ATXN3: variants seen among roughly 807,000 people sequenced by gnomAD.
The protein encoded by ATXN3 is ataxin-3.
A neutral mutation model predicts 58.2 loss-of-function variants in ATXN3; 28 were observed. That is an observed-to-expected ratio of 0.48 (90% CI 0.36 to 0.66). The LOEUF is 0.66. Ranked by LOEUF, ATXN3 falls within the 30% of genes least tolerant of loss-of-function variation. The pLI is 0.00. For synonymous variants in ATXN3, 113 were observed against 138.5 expected (o/e 0.82, Z 1.29); for missense variants, 321 against 422.1 (o/e 0.76, Z 2.10).
rs748481683 is a variant in ATXN3 at position 92,064,257 on chromosome 14, T to C, written c.*63A>G. 194 of 1,218,136 alleles carry C rather than the reference T, an allele frequency of 1.6e-4. No homozygotes were observed. The highest frequency in any genetic ancestry group is 2.2e-4 in the Non-Finnish European group (185 of 841,816). 75.5% of individuals were successfully genotyped at this position (1,218,136 alleles called of 1,614,324 possible). A position where few individuals can be genotyped will look rare whatever the true frequency, so the allele number is the denominator to read the frequency against. ...TTTGACACATTACCAAAGTGGACCC[T>C]ATGCTGTAATCACACAGGATAATGT... On this transcript the variant is annotated 3_prime_UTR_variant, in exon 11 of 11. Transcript: ENST00000644486.
chr14:92,081,841 T>C (rs1240709420), intron 8 of ATXN3, among the ~76,000 whole-genome samples: 1 of 152,250 alleles, frequency 6.6e-6, no homozygotes. Flanking sequence ...TTCGCTTTTC[T>C]CTATTGATAG....
intron 1 of ATXN3, among the ~76,000 whole-genome samples, chr14:92,104,241 A>G (rs2067595578): frequency 6.6e-6 from 1 of 152,166 alleles, no homozygotes; most frequent in South Asian, 2.1e-4. Context: ...CTCGGGTTCA[A>G]GCAATTCTCC....
chr14:92,051,767 G>A (rs144229484), upstream of ATXN3, among the ~76,000 whole-genome samples: 479 of 101,606 alleles, frequency 4.7e-3, 2 homozygotes, highest in African/African-American at 0.018. Flanking sequence ...TCTCTCTGTC[G>A]CCTGGGCTGG....
chr14:92,105,941 T>G (rs1212442158), intron 1 of ATXN3, among the ~76,000 whole-genome samples: 1 of 152,218 alleles, frequency 6.6e-6, no homozygotes, highest in Admixed American at 6.5e-5. Context: ...CCGGGTTTCC[T>G]ACTTCACTTC....
At chr14:92,052,580 C>CAT (rs2057452680), upstream of ATXN3, among the ~76,000 whole-genome samples, 1 of 152,140 alleles carries the variant, frequency 6.6e-6, no homozygotes, top group African/African-American at 2.4e-5. Flanking sequence ...TTCTCCCCTT[C>CAT]ATATATAGTA....
chr14:92,069,310 A>C (rs2059017659), intron 10 of ATXN3, among the ~76,000 whole-genome samples: 1 of 143,902 alleles, frequency 6.9e-6, no homozygotes. Flanking sequence ...ACCTCAGGTG[A>C]TCCATCAGCC....
At chr14:92,069,368 G>C (rs2059031977) in intron 10 of ATXN3, among the ~76,000 whole-genome samples, 1 of 111,698 alleles carries the variant, frequency 9.0e-6, no homozygotes, top group African/African-American at 3.5e-5. Flanking sequence ...ACCGTGTCCA[G>C]CCCTTTTTTT....
At chr14:92,064,468 C>T in intron 10 of ATXN3, 54 bp from the exon 11 acceptor site, 11 of 1,298,762 alleles carry the variant, frequency 8.5e-6, no homozygotes, top group Non-Finnish European at 1.2e-5. Context: ...TTCTCAAAGT[C>T]ATCAAAAGGC....
chr14:92,068,725 G>A (rs1168870572), intron 10 of ATXN3, among the ~76,000 whole-genome samples: 1 of 152,060 alleles, frequency 6.6e-6, no homozygotes, highest in African/African-American at 2.4e-5. Context: ...CAAGAAGCTG[G>A]GATTACAGGC....
chr14:92,093,937 G>A (rs986611758), intron 3 of ATXN3, 106 bp from the exon 4 acceptor site: 185 of 638,994 alleles, frequency 2.9e-4, no homozygotes, highest in Non-Finnish European at 3.5e-4. Flanking sequence ...TCTCTAGAAG[G>A]CTATAGGTTT....
chr14:92,091,845 C>G (rs568192565), intron 5 of ATXN3, among the ~76,000 whole-genome samples: 77 of 151,180 alleles, frequency 5.1e-4, no homozygotes, highest in African/African-American at 1.9e-3. Context: ...ATCACCACGC[C>G]TAGCCAATTT....
chr14:92,100,052 TTTA>T (rs1216729764), intron 1 of ATXN3, among the ~76,000 whole-genome samples: 1 of 152,216 alleles, frequency 6.6e-6, no homozygotes, highest in African/African-American at 2.4e-5. Context: ...GGTACTCAAC[TTTA>T]TTAGTCATCA....
chr14:92,056,644 T>C (rs1192176810), downstream of ATXN3, among the ~76,000 whole-genome samples: 1 of 152,120 alleles, frequency 6.6e-6, no homozygotes, highest in Non-Finnish European at 1.5e-5. Context: ...ACTGAGCTCC[T>C]CTCTACCCTA....
At chr14:92,097,091 T>C (rs569904991) in intron 1 of ATXN3, among the ~76,000 whole-genome samples, 1 of 151,898 alleles carries the variant, frequency 6.6e-6, no homozygotes, top group African/African-American at 2.4e-5. Context: ...GTATTTTTAG[T>C]AGAGACGGGG....
At chr14:92,082,883 G>A (rs567173949) in intron 7 of ATXN3, among the ~76,000 whole-genome samples, 1 of 152,046 alleles carries the variant, frequency 6.6e-6, no homozygotes, top group African/African-American at 2.4e-5. Flanking sequence ...CTCCTGGGTT[G>A]AAGCAATCAG....
intron 9 of ATXN3, chr14:92,071,466 G>A (rs923942261): frequency 5.7e-6 from 2 of 349,160 alleles, no homozygotes; most frequent in Non-Finnish European, 5.6e-6. Context: ...CGTGGTGGCA[G>A]GCACCTGTAA....
At chr14:92,094,900 G>T (rs1346072671) in intron 3 of ATXN3, among the ~76,000 whole-genome samples, 4 of 152,176 alleles carry the variant, frequency 2.6e-5, no homozygotes, top group Non-Finnish European at 5.9e-5. Context: ...AATGCTGGTG[G>T]ATGAGGAAGA....
At chr14:92,053,347 TA>T (rs2057454731), upstream of ATXN3, among the ~76,000 whole-genome samples, 1 of 152,164 alleles carries the variant, frequency 6.6e-6, no homozygotes. Flanking sequence ...CAACCCAGAA[TA>T]AAAACCACCT....
rs2057853138 is a variant in ATXN3 at position 92,062,622 on chromosome 14, C to T, written c.*1698G>A. 1 of 152,118 alleles carries T rather than the reference C, an allele frequency of 6.6e-6. No homozygotes were observed. The allele number at this position is 152,118 out of a possible 1,614,324, so 9.4% of individuals were successfully genotyped here. A position where few individuals can be genotyped will look rare whatever the true frequency, so the allele number is the denominator to read the frequency against. ...TTAAAGTTTTATAATTCTTCTGAAACATTTTTAACTATTAAAAGAAACTTT... is the reference window on the plus strand; with the variant it reads ...TTAAAGTTTTATAATTCTTCTGAAATATTTTTAACTATTAAAAGAAACTTT... On this transcript the variant is annotated 3_prime_UTR_variant, in exon 11 of 11. Transcript: ENST00000644486.
Sources: gnomAD v4.1 joint callset for allele counts (sites outside exome capture counted in the v4.1 genomes callset) on GRCh38, gnomAD v4.1.1 for gene constraint, MANE v1.5 for transcripts, NCBI Gene and HGNC (gene_info 2026-07-23, HGNC 2026-07-21) for gene names.